TCF4: variants seen among roughly 807,000 people sequenced by gnomAD.
TCF4 encodes the protein transcription factor 4.
A neutral mutation model predicts 82.1 loss-of-function variants in TCF4; 3 were observed. The observed-to-expected ratio is 0.04, with a 90% CI of 0.02 to 0.09. The LOEUF (loss-of-function observed/expected upper bound fraction) is 0.09, where lower values mean the gene tolerates loss of function less well. Ranked by LOEUF, TCF4 falls within the 10% of genes least tolerant of loss-of-function variation. The pLI is 1.00. For missense variants in TCF4, 518 were observed against 852.7 expected, an observed-to-expected ratio of 0.61 and a Z score of 4.89; for synonymous variants, 276 against 309.6, an observed-to-expected ratio of 0.89 and a Z score of 1.14.
intron 6 of TCF4, among the ~76,000 whole-genome samples, chr18:55,357,251 C>T (rs950418283): frequency 5.9e-5 from 9 of 151,854 alleles, no homozygotes; most frequent in African/African-American, 1.5e-4. Flanking sequence ...TATTTGTTGG[C>T]GGGAAGGTAG....
chr18:55,258,741 C>T (rs1194166821), intron 13 of TCF4, among the ~76,000 whole-genome samples: 1 of 152,116 alleles, frequency 6.6e-6, no homozygotes, highest in Non-Finnish European at 1.5e-5. Context: ...TTCCTCTATC[C>T]CTTGTTGTAT....
chr18:55,493,387 A>C (rs2096595867), intron 3 of TCF4, among the ~76,000 whole-genome samples: 1 of 152,180 alleles, frequency 6.6e-6, no homozygotes, highest in South Asian at 2.1e-4. Flanking sequence ...GGGGTGTTTT[A>C]CAATATTTAA....
At chr18:55,283,145 T>C (rs975666068) in intron 8 of TCF4, among the ~76,000 whole-genome samples, 3 of 152,082 alleles carry the variant, frequency 2.0e-5, no homozygotes, top group African/African-American at 7.2e-5. Flanking sequence ...CACTGAACCT[T>C]GAACTGACCA....
At chr18:55,462,072 C>G (rs1233161834) in intron 4 of TCF4, among the ~76,000 whole-genome samples, 5 of 152,148 alleles carry the variant, frequency 3.3e-5, no homozygotes, top group African/African-American at 1.2e-4. Flanking sequence ...AGCCAAAGGG[C>G]AAAATCTGCC....
chr18:55,259,794 T>C (rs924501862), intron 13 of TCF4, 155 bp downstream of exon 13: 4 of 667,150 alleles, frequency 6.0e-6, no homozygotes, highest in East Asian at 2.7e-5. Flanking sequence ...ATCTGGTAAT[T>C]TGTCTCTCCC....
chr18:55,574,514 G>A (rs1036968574), intron 3 of TCF4, among the ~76,000 whole-genome samples: 8 of 152,026 alleles, frequency 5.3e-5, no homozygotes, highest in African/African-American at 1.9e-4. Flanking sequence ...TAGTAGAAAC[G>A]GGATTTCTAC....
At chr18:55,370,395 T>C (rs1293083179) in intron 6 of TCF4, among the ~76,000 whole-genome samples, 1 of 151,240 alleles carries the variant, frequency 6.6e-6, no homozygotes, top group African/African-American at 2.4e-5. Flanking sequence ...AGTACATAGG[T>C]AGGTAGGTAG....
chr18:55,347,694 G>T (rs1032301939), intron 8 of TCF4, among the ~76,000 whole-genome samples: 3 of 152,140 alleles, frequency 2.0e-5, no homozygotes, highest in African/African-American at 7.2e-5. Context: ...TACCACAGGC[G>T]TGTCACAAAT....
At chr18:55,559,131 T>A in intron 3 of TCF4, among the ~76,000 whole-genome samples, 1 of 128,414 alleles carries the variant, frequency 7.8e-6, no homozygotes, top group Non-Finnish European at 1.6e-5. Flanking sequence ...CAAAGCCAAC[T>A]AGAACACGTT....
intron 5 of TCF4, among the ~76,000 whole-genome samples, chr18:55,447,805 T>C (rs980405260): frequency 6.6e-6 from 1 of 152,118 alleles, no homozygotes; most frequent in African/African-American, 2.4e-5. Flanking sequence ...ACTTCCTCTA[T>C]GTCTGAAAAT....
chr18:55,398,179 C>T (rs1412246995), intron 6 of TCF4, among the ~76,000 whole-genome samples: 1 of 152,168 alleles, frequency 6.6e-6, no homozygotes, highest in Admixed American at 6.5e-5. Context: ...CCATTCTCCC[C>T]TTTGATAAGT....
At chr18:55,418,923 C>T (rs2094623679) in intron 5 of TCF4, among the ~76,000 whole-genome samples, 1 of 152,162 alleles carries the variant, frequency 6.6e-6, no homozygotes, top group Non-Finnish European at 1.5e-5. Context: ...CACACACACA[C>T]ATACATACAT....
chr18:55,612,049 G>A (rs919736834), intron 2 of TCF4, among the ~76,000 whole-genome samples: 1 of 152,214 alleles, frequency 6.6e-6, no homozygotes, highest in Non-Finnish European at 1.5e-5. Context: ...GGGATTACAG[G>A]TGCAAGCCAC....
chr18:55,430,212 C>T (rs1040268274), intron 5 of TCF4, among the ~76,000 whole-genome samples: 1 of 152,152 alleles, frequency 6.6e-6, no homozygotes, highest in East Asian at 1.9e-4. Flanking sequence ...AAACAGATCC[C>T]GTTGCATTTT....
At chr18:55,585,182 G>T (rs1452848607) in intron 3 of TCF4, 98 bp downstream of exon 3, 2 of 1,102,412 alleles carry the variant, frequency 1.8e-6, no homozygotes, top group South Asian at 1.3e-5. Context: ...AAAATTCAAT[G>T]ACTTTTTCAG....
intron 3 of TCF4, among the ~76,000 whole-genome samples, chr18:55,530,540 G>A (rs2097049012): frequency 7.2e-6 from 1 of 139,350 alleles, no homozygotes; most frequent in Admixed American, 7.3e-5. Context: ...GGGCTCTGAA[G>A]GAGGGGAGGT....
chr18:55,342,822 A>G (rs920490922), intron 8 of TCF4, among the ~76,000 whole-genome samples: 5 of 152,106 alleles, frequency 3.3e-5, no homozygotes, highest in Non-Finnish European at 7.4e-5. Flanking sequence ...AAACAACCCA[A>G]TTCTCCAAAC....
intron 5 of TCF4, among the ~76,000 whole-genome samples, chr18:55,425,663 T>C (rs993054050): frequency 3.0e-4 from 46 of 152,176 alleles, no homozygotes; most frequent in African/African-American, 1.0e-3. Flanking sequence ...TCAATAGAAA[T>C]TGCAGTACAA....
intron 3 of TCF4, among the ~76,000 whole-genome samples, chr18:55,464,970 T>C (rs2095978820): frequency 6.6e-6 from 1 of 152,226 alleles, no homozygotes. Flanking sequence ...ATGGAAAGTC[T>C]AACAGCTAAG....
Sources: gnomAD v4.1 joint callset for allele counts (sites outside exome capture counted in the v4.1 genomes callset) on GRCh38, gnomAD v4.1.1 for gene constraint, MANE v1.5 for transcripts, NCBI Gene and HGNC (gene_info 2026-07-23, HGNC 2026-07-21) for gene names.